DDX19A: variants seen among roughly 807,000 people sequenced by gnomAD.
DDX19A encodes the protein DEAD-box helicase 19A.
DDX19A carries 12 observed loss-of-function variants against 60.6 expected under a neutral mutation model. The observed-to-expected ratio is 0.20, with a 90% CI of 0.13 to 0.32. DDX19A has a LOEUF of 0.32. DDX19A is among the 10% of genes least tolerant of loss of function. The pLI is 1.00. For missense variants in DDX19A, 337 were observed against 600.6 expected (o/e 0.56, Z 4.59); for synonymous variants, 206 against 218.2 (o/e 0.94, Z 0.49).
At chr16:70,349,835 G>C (rs1963959109) in intron 1 of DDX19A, among the ~76,000 whole-genome samples, 1 of 152,156 alleles carries the variant, frequency 6.6e-6, no homozygotes, top group South Asian at 2.1e-4. Context: ...CTTGGTATCT[G>C]GTTCTAAGCA....
At chr16:70,355,408 A>G in intron 2 of DDX19A, 77 bp from the exon 3 acceptor site, 1 of 1,006,748 alleles carries the variant, frequency 9.9e-7, no homozygotes, top group Non-Finnish European at 1.6e-6. Flanking sequence ...ATTTCAGTGT[A>G]TTTATTTATA....
Position 70,361,491 on chromosome 16 carries a change from C to G in DDX19A, c.367C>G (p.Pro123Ala). ...CTCCAAGATACAAGAGAACGCATTA[C>G]CCATGATGCTTGCTGAACCGTGAGT... ...RPSKIQENAL[P>A]MMLAEPPQNL... Residue 123 changes from proline (P) to alanine (A), a missense_variant, in exon 5 of 12, where the codon CCC becomes GCC. By Grantham distance (27) the Pro-to-Ala change is conservative. Transcript: ENST00000302243. The G allele has an allele frequency of 6.2e-7, 1 of 1,612,054 alleles. No homozygotes were observed. The highest frequency in any genetic ancestry group is 8.5e-7 in the Non-Finnish European group (1 of 1,178,434).
intron 3 of DDX19A, 130 bp from the exon 4 acceptor site, chr16:70,355,982 A>G: frequency 8.6e-7 from 1 of 1,159,372 alleles, no homozygotes. Context: ...ATAGAGACCT[A>G]TCAGTGTGAT....
intron 10 of DDX19A, 92 bp from the exon 11 acceptor site, chr16:70,371,280 C>T: frequency 6.2e-7 from 1 of 1,610,686 alleles, no homozygotes; most frequent in Non-Finnish European, 8.5e-7. Context: ...TCCCTCTATC[C>T]CAAAGTTGGT....
At chr16:70,369,430 G>A (rs990258493) in intron 9 of DDX19A, among the ~76,000 whole-genome samples, 13 of 151,426 alleles carry the variant, frequency 8.6e-5, no homozygotes, top group Non-Finnish European at 1.2e-4. Context: ...GGCCCACCTC[G>A]GCCTCCCGAA....
At chr16:70,364,913 C>A in intron 6 of DDX19A, 104 bp from the exon 7 acceptor site, 1 of 874,010 alleles carries the variant, frequency 1.1e-6, no homozygotes, top group Non-Finnish European at 1.9e-6. Context: ...GGAGGACATG[C>A]TTCCCTGTGC....
chr16:70,372,707 CCTTCT>C lies in DDX19A; in HGVS notation c.*729_*733del. 6.6e-6 allele frequency: 1 copy of C among 152,510 alleles called. No homozygotes were observed. The allele number at this position is 152,510 out of a possible 1,614,324, so 9.4% of individuals were successfully genotyped here. ...GATGAAGGGGCTGGGCCTGGTCTTG[CCTTCT>C]CTTCTCTCGGTTGCTCCCTCTGCCT... is the stretch of plus-strand genomic sequence containing the variant. On this transcript the variant is annotated 3_prime_UTR_variant, in exon 12 of 12. Transcript: ENST00000302243.
intron 4 of DDX19A, among the ~76,000 whole-genome samples, chr16:70,358,571 C>T (rs369709720): frequency 3.3e-5 from 5 of 151,698 alleles, no homozygotes; most frequent in South Asian, 2.1e-4. Flanking sequence ...AGGTCGGGCA[C>T]GGTGGCTCAC....
chr16:70,359,699 T>TA (rs975410428), intron 4 of DDX19A, among the ~76,000 whole-genome samples: 1 of 150,486 alleles, frequency 6.6e-6, no homozygotes, highest in Non-Finnish European at 1.5e-5. Context: ...CTACAAAAAA[T>TA]AAAAAAAAAT....
intron 2 of DDX19A, among the ~76,000 whole-genome samples, chr16:70,354,874 C>G (rs566372466): frequency 7.8e-4 from 119 of 152,186 alleles, no homozygotes; most frequent in African/African-American, 2.8e-3. Context: ...TGGTGGCATG[C>G]ACCTGTAGTC....
chr16:70,349,182 C>G (rs1421636935), intron 1 of DDX19A, among the ~76,000 whole-genome samples: 1 of 152,120 alleles, frequency 6.6e-6, no homozygotes, highest in Admixed American at 6.6e-5. Context: ...CAGAGGAAAC[C>G]AGGCAAACTT....
Position 70,346,942 on chromosome 16 carries a change from G to A in DDX19A, c.-50G>A, listed in dbSNP as rs568894745. On this transcript the variant is annotated 5_prime_UTR_variant, in exon 1 of 12. Coordinates refer to ENST00000302243, the MANE Select transcript of DDX19A (RefSeq NM_018332.5). ...GTGGCGAGGTTAGGGCCCGCGTTGCGACGTGGTGCAGCGCATATTTTCACA... is the reference window on the plus strand; with the variant it reads ...GTGGCGAGGTTAGGGCCCGCGTTGCAACGTGGTGCAGCGCATATTTTCACA... 1.3e-6 allele frequency: 2 copies of A among 1,574,432 alleles called. No homozygotes were observed. Among genetic ancestry groups the A allele is most frequent in the East Asian group, 4.6e-5 (2 of 43,878 alleles).
intron 2 of DDX19A, among the ~76,000 whole-genome samples, chr16:70,351,885 C>T (rs1393911483): frequency 6.6e-6 from 1 of 151,992 alleles, no homozygotes; most frequent in Non-Finnish European, 1.5e-5. Flanking sequence ...AATTTTTTAA[C>T]TTTTTGAAAA....
At chr16:70,367,240 A>G (rs913205916) in intron 9 of DDX19A, among the ~76,000 whole-genome samples, 3 of 151,752 alleles carry the variant, frequency 2.0e-5, no homozygotes, top group Non-Finnish European at 4.4e-5. Context: ...CATCCTGACT[A>G]ACACGGTGAA....
chr16:70,356,459 C>T (rs540951555), intron 4 of DDX19A, among the ~76,000 whole-genome samples: 2 of 151,878 alleles, frequency 1.3e-5, no homozygotes, highest in Non-Finnish European at 2.9e-5. Context: ...CGGGTTCAAG[C>T]GATTCTCCTG....
At chr16:70,352,486 T>C (rs1432619743) in intron 2 of DDX19A, among the ~76,000 whole-genome samples, 2 of 152,036 alleles carry the variant, frequency 1.3e-5, no homozygotes, top group African/African-American at 4.8e-5. Flanking sequence ...GGTTTCACCA[T>C]GTTGGCCAGG....
rs758301645 is a variant in DDX19A at position 70,350,579 on chromosome 16, A to G, written c.80A>G (p.Glu27Gly). 1.9e-6 allele frequency: 3 copies of G among 1,612,570 alleles called. No homozygotes were observed. In the African/African-American group the frequency reaches 4.0e-5, roughly 22 times the overall value. Residue 27 changes from glutamate (E) to glycine (G), a missense_variant, in exon 2 of 12, where the codon GAA becomes GGA. This residue lies in a region of DDX19A where 127 missense variants were observed against 160.3 expected (regional missense o/e 0.79). Coordinates refer to ENST00000302243, the MANE Select transcript of DDX19A (RefSeq NM_018332.5). ...CAGATGACCAATTTGCAGATCAAGGAAGAGAAAGTCAAAGCAGATACCAAT... is the reference window on the plus strand; with the variant it reads ...CAGATGACCAATTTGCAGATCAAGGGAGAGAAAGTCAAAGCAGATACCAAT... ...VKSMTNLQIK[E>G]EKVKADTNGI...
chr16:70,353,574 T>A (rs896068357), intron 2 of DDX19A, among the ~76,000 whole-genome samples: 2 of 151,978 alleles, frequency 1.3e-5, no homozygotes, highest in African/African-American at 4.8e-5. Context: ...GTGATGAGAT[T>A]GTAGGGAAAC....
chr16:70,365,994 T>C (rs1964507369), intron 7 of DDX19A, 91 bp from the exon 8 acceptor site: 1 of 1,585,238 alleles, frequency 6.3e-7, no homozygotes, highest in Non-Finnish European at 8.6e-7. Context: ...AATAACTTGT[T>C]CTCCTAGTCC....
Sources: allele counts gnomAD v4.1 joint callset (sites outside exome capture counted in the v4.1 genomes callset), GRCh38; gene constraint gnomAD v4.1.1; regional missense constraint gnomAD v4.1.1; transcripts MANE v1.5; gene names NCBI Gene and HGNC (gene_info 2026-07-23, HGNC 2026-07-21).